The following ZZZ3 variants were observed in gnomAD, a reference collection of about 807,000 sequenced individuals.
ZZZ3 encodes zinc finger ZZ-type containing 3.
Under a neutral mutation model 95.2 loss-of-function variants are expected in ZZZ3, and 22 were observed. That is an observed-to-expected ratio of 0.23 (90% CI 0.17 to 0.33). The LOEUF (loss-of-function observed/expected upper bound fraction) is 0.33. Among genes scored for constraint, ZZZ3 ranks in the 10% least tolerant of loss-of-function variants. The probability of loss-of-function intolerance (pLI) is 1.00; values close to 1 mark genes in which losing one functional copy is unlikely to be tolerated. For missense variants in ZZZ3, 885 were observed against 1,066.5 expected (o/e 0.83, Z 2.37); for synonymous variants, 335 against 358.9 (o/e 0.93, Z 0.75).
At chr1:77,580,270 C>G (rs1164023025) in intron 9 of ZZZ3, 1 of 152,184 alleles carries the variant, frequency 6.6e-6, no homozygotes, top group Non-Finnish European at 1.5e-5. Context: ...ACTTCACCCA[C>G]TAACAACCCT....
rs1462886689 is a variant in ZZZ3 at position 77,562,596 on chromosome 1, A to T, written c.*3044T>A. On this transcript the variant is annotated 3_prime_UTR_variant, in exon 15 of 15. Coordinates refer to ENST00000370801, the MANE Select transcript of ZZZ3 (RefSeq NM_015534.6). ...TGAATCAATTTAAACAAAAAGGGGA[A>T]GGGGGGAAAACAGACAAGGCATACT... The T allele has an allele frequency of 1.3e-5, 2 of 152,172 alleles. No individual in the cohort carries two copies. Among genetic ancestry groups the T allele is most frequent in the Admixed American group, 1.3e-4 (2 of 15,276 alleles). 9.4% of individuals were successfully genotyped at this position (152,172 alleles called of 1,614,324 possible).
chr1:77,677,958 A>G (rs372598271), intron 1 of ZZZ3, among the ~76,000 whole-genome samples: 1 of 152,172 alleles, frequency 6.6e-6, no homozygotes, highest in South Asian at 2.1e-4. Flanking sequence ...CCTTATACAC[A>G]AGTCAAAGAC....
chr1:77,630,139 C>T lies in ZZZ3; in HGVS notation c.1505+1711G>A, dbSNP rs78761911. 2.8e-4 allele frequency among the ~76,000 whole-genome samples: 42 copies of T among 152,214 alleles called. No individual in the cohort carries two copies. In the East Asian group the frequency reaches 7.7e-3, roughly 28 times the overall value. ...GTTTTTGGTATTTTCCTAAGACATA[C>T]GCTCTCCTTCCCTGCACTGCAGATA... is the stretch of plus-strand genomic sequence containing the variant. On this transcript the variant is annotated intron_variant, in intron 5 of 14. Coordinates refer to ENST00000370801, the MANE Select transcript of ZZZ3 (RefSeq NM_015534.6).
intron 12 of ZZZ3, among the ~76,000 whole-genome samples, chr1:77,575,090 A>C (rs1232115307): frequency 6.6e-6 from 1 of 152,228 alleles, no homozygotes; most frequent in Non-Finnish European, 1.5e-5. Flanking sequence ...TGCCTGAGGC[A>C]GGAGAATCAC....
At position 77,632,007 on chromosome 1, in the gene ZZZ3, C is replaced by T. The variant is rs1483969770; in HGVS notation, c.1348G>A (p.Glu450Lys). The change falls in exon 5 of 15, where the codon GAA (glutamate) becomes AAA (lysine). Residue 450 changes from glutamate to lysine, a missense_variant. Glu to Lys is a moderately conservative substitution (Grantham distance 56). Around this residue, in one of 5 missense-constraint regions of ZZZ3, gnomAD observed 556 missense variants for 652.9 expected, o/e 0.85. Transcript: ENST00000370801. ...TCTGAGGGTGGTTTACTTACTCCTT[C>T]ACTTCCATTATTTTGAGAGTCACAA... is the stretch of plus-strand genomic sequence containing the variant. ...ICCDSQNNGSEGVSKPPSEAR... is the reference protein window; with the variant it reads ...ICCDSQNNGSKGVSKPPSEAR... 1 of 1,613,976 alleles carries T rather than the reference C, an allele frequency of 6.2e-7. No homozygotes were observed. Among genetic ancestry groups the T allele is most frequent in the African/African-American group, 1.3e-5 (1 of 74,914 alleles).
intron 5 of ZZZ3, among the ~76,000 whole-genome samples, chr1:77,629,123 C>T (rs766283331): frequency 6.6e-6 from 1 of 152,080 alleles, no homozygotes; most frequent in Non-Finnish European, 1.5e-5. Context: ...AAAGAGCCAA[C>T]ATTATATCCA....
chr1:77,573,347 C>T (rs1440180281), intron 12 of ZZZ3, among the ~76,000 whole-genome samples: 1 of 151,994 alleles, frequency 6.6e-6, no homozygotes, highest in Non-Finnish European at 1.5e-5. Flanking sequence ...GTCTTGAACT[C>T]CTGACCTCAG....
chr1:77,577,733 C>T (rs140867584), intron 11 of ZZZ3, among the ~76,000 whole-genome samples: 202 of 152,066 alleles, frequency 1.3e-3, no homozygotes, highest in African/African-American at 4.7e-3. Context: ...TTATTTTTTG[C>T]GATTACAAGA....
intron 1 of ZZZ3, among the ~76,000 whole-genome samples, chr1:77,670,997 A>C (rs1292026547): frequency 2.1e-5 from 3 of 143,250 alleles, no homozygotes; most frequent in South Asian, 4.8e-4. Flanking sequence ...ACACAGTAAC[A>C]CTGTTTTTTT....
At chr1:77,587,654 A>C (rs1663236685) in intron 5 of ZZZ3, among the ~76,000 whole-genome samples, 1 of 152,208 alleles carries the variant, frequency 6.6e-6, no homozygotes, top group African/African-American at 2.4e-5. Flanking sequence ...GCTACGCTTT[A>C]AGAAAGACAA....
chr1:77,599,162 G>A (rs1476740944), intron 5 of ZZZ3, among the ~76,000 whole-genome samples: 1 of 151,894 alleles, frequency 6.6e-6, no homozygotes, highest in Non-Finnish European at 1.5e-5. Flanking sequence ...TAGTATTTAG[G>A]TATATGAGCA....
intron 1 of ZZZ3, among the ~76,000 whole-genome samples, chr1:77,642,561 T>C (rs1027785552): frequency 4.1e-5 from 6 of 147,608 alleles, no homozygotes; most frequent in African/African-American, 7.6e-5. Context: ...CTGGGCAACA[T>C]AGTGAGCCCT....
intron 5 of ZZZ3, among the ~76,000 whole-genome samples, chr1:77,594,353 A>C (rs1189160658): frequency 1.3e-5 from 2 of 152,094 alleles, no homozygotes; most frequent in Non-Finnish European, 2.9e-5. Flanking sequence ...GAAGGCAAAA[A>C]TTTTTAGGTA....
intron 5 of ZZZ3, among the ~76,000 whole-genome samples, chr1:77,603,329 C>G (rs1409524261): frequency 1.3e-5 from 2 of 152,156 alleles, no homozygotes; most frequent in Non-Finnish European, 2.9e-5. Context: ...TCCTCCTAAC[C>G]TTGGACTCCC....
At chr1:77,598,752 G>A (rs1664450499) in intron 5 of ZZZ3, among the ~76,000 whole-genome samples, 1 of 152,086 alleles carries the variant, frequency 6.6e-6, no homozygotes, top group Admixed American at 6.6e-5. Context: ...TAGACTCAAT[G>A]GAGAGATTTA....
chr1:77,680,225 G>C (rs937163281), intron 1 of ZZZ3, among the ~76,000 whole-genome samples: 1 of 152,152 alleles, frequency 6.6e-6, no homozygotes, highest in Non-Finnish European at 1.5e-5. Context: ...GAAATATCTA[G>C]CAATTCTGTG....
intron 1 of ZZZ3, among the ~76,000 whole-genome samples, chr1:77,649,230 T>C (rs1352157347): frequency 6.7e-6 from 1 of 149,472 alleles, no homozygotes; most frequent in Admixed American, 6.8e-5. Context: ...ATCAATAATA[T>C]AAAGAATATC....
intron 1 of ZZZ3, among the ~76,000 whole-genome samples, chr1:77,643,152 T>C (rs1668940861): frequency 6.6e-6 from 1 of 151,976 alleles, no homozygotes; most frequent in African/African-American, 2.4e-5. Flanking sequence ...CATCACTGCA[T>C]TCCAGCCTGG....
chr1:77,646,239 A>C (rs1297787100), intron 1 of ZZZ3, among the ~76,000 whole-genome samples: 1 of 151,492 alleles, frequency 6.6e-6, no homozygotes, highest in African/African-American at 2.4e-5. Context: ...TTTTCTTTTG[A>C]GACAGGGTCT....
Sources: allele counts gnomAD v4.1 joint callset (sites outside exome capture counted in the v4.1 genomes callset), GRCh38; gene constraint gnomAD v4.1.1; regional missense constraint gnomAD v4.1.1; transcripts MANE v1.5; gene names NCBI Gene and HGNC (gene_info 2026-07-23, HGNC 2026-07-21).